The following TNR variants were observed in gnomAD, a reference collection of about 807,000 sequenced individuals.
TNR encodes the protein tenascin R.
In TNR, 45 loss-of-function variants were observed where a neutral mutation model predicts 150.4. The ratio of observed to expected loss-of-function variants is 0.30; its 90% CI spans 0.24 to 0.38. The LOEUF (loss-of-function observed/expected upper bound fraction) is 0.38. TNR is among the 10% of genes least tolerant of loss of function. The pLI is 1.00. For synonymous variants in TNR, 687 were observed against 678.4 expected (o/e 1.01, Z -0.20); for missense variants, 1,544 against 1,759.1 (o/e 0.88, Z 2.19).
At chr1:175,372,940 G>C (rs915075525) in intron 9 of TNR, among the ~76,000 whole-genome samples, 1 of 152,296 alleles carries the variant, frequency 6.6e-6, no homozygotes, top group Non-Finnish European at 1.5e-5. Context: ...CAAGGAACTT[G>C]CAGTCAATCT....
At chr1:175,471,193 T>C (rs996172860) in intron 2 of TNR, among the ~76,000 whole-genome samples, 4 of 152,204 alleles carry the variant, frequency 2.6e-5, no homozygotes, top group Admixed American at 2.0e-4. Flanking sequence ...AGTAATGAAC[T>C]CATTTATGTC....
chr1:175,593,264 C>T lies in TNR; in HGVS notation c.-164-64895G>A, dbSNP rs150672491. The stretch of plus-strand genomic sequence containing the variant: ...GTATGGAGAGCACTGATAGAGGCCA[C>T]GAAAGAGCTCAAGCCAGTCCTACAC... On this transcript the variant is annotated intron_variant, in intron 1 of 22. Transcript: ENST00000367674. 8.1e-3 allele frequency among the ~76,000 whole-genome samples: 1,232 copies of T among 152,178 alleles called. 14 individuals carry two copies. The highest frequency in any genetic ancestry group is 0.028 in the African/African-American group (1,149 of 41,504).
chr1:175,643,788 G>A (rs10913043), intron 1 of TNR, among the ~76,000 whole-genome samples: 20,175 of 152,056 alleles, frequency 0.13, 1,713 homozygotes, highest in East Asian at 0.41. Flanking sequence ...ATACACAGGC[G>A]ATATCACAGA....
intron 1 of TNR, among the ~76,000 whole-genome samples, chr1:175,532,923 A>G (rs963346576): frequency 2.6e-5 from 4 of 152,176 alleles, no homozygotes; most frequent in Non-Finnish European, 2.9e-5. Context: ...TTATAAGACT[A>G]AGCTCACCAT....
At chr1:175,630,872 G>A (rs1002264637) in intron 1 of TNR, among the ~76,000 whole-genome samples, 1 of 152,178 alleles carries the variant, frequency 6.6e-6, no homozygotes, top group African/African-American at 2.4e-5. Flanking sequence ...CACCAAACAA[G>A]GGGAGCAGGG....
At chr1:175,574,995 G>T (rs900595255) in intron 1 of TNR, among the ~76,000 whole-genome samples, 1 of 152,230 alleles carries the variant, frequency 6.6e-6, no homozygotes, top group Admixed American at 6.5e-5. Context: ...TAACTAAGCA[G>T]TCTGGAGAAG....
chr1:175,397,842 C>G (rs1489230867), intron 4 of TNR, among the ~76,000 whole-genome samples: 1 of 152,180 alleles, frequency 6.6e-6, no homozygotes, highest in Non-Finnish European at 1.5e-5. Flanking sequence ...TGAAGATTCA[C>G]CAGTGTTGTG....
chr1:175,734,100 G>C (rs751470182), intron 1 of TNR, among the ~76,000 whole-genome samples: 4 of 152,154 alleles, frequency 2.6e-5, no homozygotes, highest in Non-Finnish European at 5.9e-5. Context: ...GCAATGTCTT[G>C]TTCCTGCAGC....
chr1:175,453,912 T>G (rs1656438168), intron 2 of TNR, among the ~76,000 whole-genome samples: 1 of 152,150 alleles, frequency 6.6e-6, no homozygotes, highest in Non-Finnish European at 1.5e-5. Flanking sequence ...CATTTTCATT[T>G]TAGCCATATT....
At chr1:175,627,594 T>TG (rs1424509939) in intron 1 of TNR, among the ~76,000 whole-genome samples, 2 of 152,180 alleles carry the variant, frequency 1.3e-5, no homozygotes, top group Admixed American at 6.5e-5. Flanking sequence ...ATTGTAAAGA[T>TG]TAAATGAAAT....
chr1:175,609,891 G>A (rs1185685424), intron 1 of TNR, among the ~76,000 whole-genome samples: 1 of 152,196 alleles, frequency 6.6e-6, no homozygotes, highest in Non-Finnish European at 1.5e-5. Context: ...ACTCAACTGA[G>A]ACAGTTTGAG....
At chr1:175,591,630 G>T (rs1172619955) in intron 1 of TNR, among the ~76,000 whole-genome samples, 1 of 152,230 alleles carries the variant, frequency 6.6e-6, no homozygotes, top group Non-Finnish European at 1.5e-5. Context: ...TCTTCCAGAA[G>T]TGTGAGAATA....
At chr1:175,664,919 C>T (rs1665490689) in intron 1 of TNR, among the ~76,000 whole-genome samples, 1 of 152,178 alleles carries the variant, frequency 6.6e-6, no homozygotes, top group African/African-American at 2.4e-5. Context: ...GACAGCATAC[C>T]TGAGTGAGTT....
intron 2 of TNR, among the ~76,000 whole-genome samples, chr1:175,479,194 G>C (rs139699201): frequency 1.3e-5 from 2 of 152,122 alleles, no homozygotes; most frequent in Non-Finnish European, 2.9e-5. Flanking sequence ...TGACTCTCTG[G>C]CTCCCTAAAT....
intron 1 of TNR, among the ~76,000 whole-genome samples, chr1:175,675,505 C>A (rs556162292): frequency 3.9e-5 from 6 of 152,318 alleles, no homozygotes; most frequent in African/African-American, 1.4e-4. Context: ...TAAGTGTATG[C>A]TGTACACTTC....
At chr1:175,414,370 G>A (rs770779945) in intron 2 of TNR, among the ~76,000 whole-genome samples, 2 of 152,142 alleles carry the variant, frequency 1.3e-5, no homozygotes, top group Non-Finnish European at 2.9e-5. Flanking sequence ...CAGGTGGACT[G>A]TGAAAATATA....
chr1:175,618,331 T>C (rs954875474), intron 1 of TNR, among the ~76,000 whole-genome samples: 3 of 152,204 alleles, frequency 2.0e-5, no homozygotes, highest in Admixed American at 1.3e-4. Context: ...TTTAAAGTGA[T>C]ATCATTAGAG....
chr1:175,598,294 T>C (rs10798405), intron 1 of TNR, among the ~76,000 whole-genome samples: 15,745 of 152,216 alleles, frequency 0.1, 1,115 homozygotes, highest in East Asian at 0.4. Flanking sequence ...CAGTTAAGTT[T>C]AACGATTATT....
At chr1:175,420,395 TA>T (rs764565052) in intron 2 of TNR, among the ~76,000 whole-genome samples, 1 of 152,244 alleles carries the variant, frequency 6.6e-6, no homozygotes, top group Non-Finnish European at 1.5e-5. Flanking sequence ...GCATTGGCAA[TA>T]AATTAATGCC....
Sources: gnomAD v4.1 joint callset for allele counts (sites outside exome capture counted in the v4.1 genomes callset) on GRCh38, gnomAD v4.1.1 for gene constraint, MANE v1.5 for transcripts, NCBI Gene and HGNC (gene_info 2026-07-23, HGNC 2026-07-21) for gene names.